The following FAM200C variants were observed in gnomAD, a reference collection of about 807,000 sequenced individuals.
the FAM200C span, chr5:160,394,580 C>G: frequency 6.2e-7 from 1 of 1,614,156 alleles, no homozygotes; most frequent in East Asian, 2.2e-5. Flanking sequence ...ATTTGGAGCT[C>G]TCCCTTTGAT....
At chr5:160,395,492 G>A in the FAM200C span, 2 of 1,612,626 alleles carry the variant, frequency 1.2e-6, no homozygotes, top group Non-Finnish European at 1.7e-6. Context: ...CTTCGACATG[G>A]CACACAAAAA....
chr5:160,395,591 TAAAAC>T, the FAM200C span: 2 of 919,516 alleles, frequency 2.2e-6, no homozygotes, highest in South Asian at 2.8e-5. Flanking sequence ...CTAACTGAAT[TAAAAC>T]AAAGCCACAT....
At chr5:160,393,195 T>C in the FAM200C span, 1 of 152,826 alleles carries the variant, frequency 6.5e-6, no homozygotes, top group African/African-American at 2.4e-5. Context: ...GCACAGGAGC[T>C]AGGGGAATGG....
chr5:160,393,909 C>T, the FAM200C span: 4 of 1,613,988 alleles, frequency 2.5e-6, no homozygotes, highest in Non-Finnish European at 2.5e-6. Context: ...GCTGTCTTTG[C>T]CAGGTTTGGA....
the FAM200C span, among the ~76,000 whole-genome samples, chr5:160,397,148 GAAC>G: frequency 6.6e-6 from 1 of 152,162 alleles, no homozygotes; most frequent in East Asian, 1.9e-4. Context: ...TCCAGAAGCA[GAAC>G]AAAAGAATAT....
chr5:160,395,243 C>G, the FAM200C span: 6 of 1,614,030 alleles, frequency 3.7e-6, no homozygotes, highest in South Asian at 6.6e-5. Flanking sequence ...AGATGCAACT[C>G]CAAATGCTTT....
At chr5:160,395,060 T>C in the FAM200C span, 1 of 1,614,038 alleles carries the variant, frequency 6.2e-7, no homozygotes, top group East Asian at 2.2e-5. Flanking sequence ...ATGGATCACA[T>C]CATCTGATAA....
the FAM200C span, chr5:160,394,046 A>T: frequency 6.2e-7 from 1 of 1,611,768 alleles, no homozygotes; most frequent in Middle Eastern, 1.7e-4. Flanking sequence ...AACAAAATCG[A>T]TATTAAAAAG....
At chr5:160,397,458 T>C in the FAM200C span, 1 of 152,176 alleles carries the variant, frequency 6.6e-6, no homozygotes, top group Non-Finnish European at 1.5e-5. Flanking sequence ...AAACATTCTA[T>C]CTCCAAGATA....
chr5:160,398,540 A>G, the FAM200C span, among the ~76,000 whole-genome samples: 1 of 152,232 alleles, frequency 6.6e-6, no homozygotes, highest in African/African-American at 2.4e-5. Context: ...TCTGTCTCAA[A>G]AACAAAACAA....
the FAM200C span, chr5:160,394,839 C>T: frequency 6.2e-7 from 1 of 1,613,616 alleles, no homozygotes; most frequent in Non-Finnish European, 8.5e-7. Context: ...TTGAACACAT[C>T]TATTCCTTTC....
the FAM200C span, chr5:160,395,497 CAA>C: frequency 3.7e-6 from 6 of 1,609,640 alleles, no homozygotes; most frequent in Non-Finnish European, 4.2e-6. Flanking sequence ...ACATGGCACA[CAA>C]AAATTCTCAG....
At chr5:160,396,252 CT>C in the FAM200C span, among the ~76,000 whole-genome samples, 1 of 150,916 alleles carries the variant, frequency 6.6e-6, no homozygotes, top group Non-Finnish European at 1.5e-5. Context: ...CATGGTAGTT[CT>C]TTTTAATAGT....
the FAM200C span, chr5:160,400,030 G>GGCCCGGGTTCC: frequency 6.6e-6 from 1 of 152,310 alleles, no homozygotes. Context: ...GCCTCAGCCA[G>GGCCCGGGTTCC]GCCCGGGTTC....
chr5:160,397,438 A>G, the FAM200C span: 22 of 152,356 alleles, frequency 1.4e-4, no homozygotes, highest in Admixed American at 1.4e-3. Context: ...AGGCTCAAAT[A>G]TACCTTAGAA....
the FAM200C span, among the ~76,000 whole-genome samples, chr5:160,395,763 G>A: frequency 3.3e-5 from 5 of 152,176 alleles, no homozygotes; most frequent in African/African-American, 4.8e-5. Context: ...TTTGAGCTTA[G>A]ACAAGTTATG....
chr5:160,399,701 T>C, the FAM200C span: 2 of 151,970 alleles, frequency 1.3e-5, no homozygotes, highest in African/African-American at 4.8e-5. Flanking sequence ...AGCTCTTAAC[T>C]GATAGGACCT....
the FAM200C span, chr5:160,394,306 C>A: frequency 1.2e-6 from 2 of 1,613,532 alleles, no homozygotes; most frequent in African/African-American, 1.3e-5. Context: ...CTGTGTTCAT[C>A]CCAGTCCTCT....
chr5:160,397,191 C>G, the FAM200C span, among the ~76,000 whole-genome samples: 1 of 152,170 alleles, frequency 6.6e-6, no homozygotes, highest in Non-Finnish European at 1.5e-5. Context: ...AGTCCTGAAA[C>G]ACAACCTGGT....
Sources: allele counts gnomAD v4.1 joint callset (sites outside exome capture counted in the v4.1 genomes callset), GRCh38; gene constraint gnomAD v4.1.1; transcripts MANE v1.5.